EML6: variants seen among roughly 807,000 people sequenced by gnomAD.
EML6 encodes the protein echinoderm microtubule-associated protein-like 6.
A neutral mutation model predicts 240.1 loss-of-function variants in EML6; 154 were observed. The observed-to-expected ratio is 0.64, with a 90% CI of 0.56 to 0.73. The LOEUF (loss-of-function observed/expected upper bound fraction) is 0.73. Among genes scored for constraint, EML6 ranks in the 30% least tolerant of loss-of-function variants. The pLI, the probability that EML6 is intolerant of heterozygous loss-of-function variation, is 0.00. For missense variants in EML6, 2,964 were observed against 2,474.6 expected, an observed-to-expected ratio of 1.20 and a Z score of -4.20; for synonymous variants, 1,148 against 899.0, an observed-to-expected ratio of 1.28 and a Z score of -4.95.
rs144026298 is a variant in EML6 at position 54,724,811 on chromosome 2, C to T, written c.-251C>T. On this transcript the variant is annotated 5_prime_UTR_variant, in exon 2 of 42. Transcript: ENST00000356458. This position sits in a 1 kb window ranked among gnomAD's most constrained non-coding sequence, Gnocchi z 5.2. The stretch of plus-strand genomic sequence containing the variant: ...GCGCCGGTGCCGGCGCCCCCAGAGC[C>T]GCCTTGCCCGGGTAGAGGGAGCCCG... The T allele has an allele frequency of 6.2e-6, 1 of 161,268 alleles. No individual in the cohort carries two copies. The highest frequency in any genetic ancestry group is 2.4e-5 in the African/African-American group (1 of 41,492). The allele number at this position is 161,268 out of a possible 1,614,324, so 10.0% of individuals were successfully genotyped here.
intron 28 of EML6, among the ~76,000 whole-genome samples, chr2:54,932,376 A>G (rs1159230595): frequency 6.6e-6 from 1 of 152,162 alleles, no homozygotes; most frequent in Non-Finnish European, 1.5e-5. Flanking sequence ...TTGGGAATCC[A>G]TGCTTTCACT....
At chr2:54,839,570 C>G (rs895588581) in intron 7 of EML6, among the ~76,000 whole-genome samples, 1 of 152,228 alleles carries the variant, frequency 6.6e-6, no homozygotes, top group Non-Finnish European at 1.5e-5. Context: ...TGTTCTCTTC[C>G]CTTCCACCCA....
At chr2:54,916,601 C>T (rs1233527568) in intron 25 of EML6, among the ~76,000 whole-genome samples, 158 bp from the exon 26 acceptor site, 1 of 152,094 alleles carries the variant, frequency 6.6e-6, no homozygotes, top group African/African-American at 2.4e-5. Flanking sequence ...TGCAAATAAC[C>T]ACTTTAAATA....
chr2:54,867,186 A>C, intron 14 of EML6: 1 of 206,736 alleles, frequency 4.8e-6, no homozygotes, highest in Non-Finnish European at 9.7e-6. Flanking sequence ...TCTCATCACC[A>C]TCTTCACTTC....
At chr2:54,966,153 T>A (rs140850606) in intron 38 of EML6, among the ~76,000 whole-genome samples, 1 of 152,206 alleles carries the variant, frequency 6.6e-6, no homozygotes, top group Non-Finnish European at 1.5e-5. Context: ...AATATAAATA[T>A]AATTACAAAT....
chr2:54,895,760 G>A (rs1263726287), intron 21 of EML6, among the ~76,000 whole-genome samples: 2 of 152,212 alleles, frequency 1.3e-5, no homozygotes, highest in African/African-American at 2.4e-5. Context: ...TTGCTTGTAA[G>A]TGTAGGACTA....
In EML6 at chr2:54,843,627, G is replaced by A. The variant is rs1228320435; in HGVS notation, c.848-420G>A. Among the ~76,000 whole-genome samples the A allele has an allele frequency of 7.9e-5, 12 of 152,042 alleles. No homozygotes were observed. In the East Asian group the frequency reaches 1.2e-3, roughly 15 times the overall value. On this transcript the variant is annotated intron_variant, in intron 7 of 41. Coordinates refer to ENST00000356458, the MANE Select transcript of EML6 (RefSeq NM_001039753.4). ...TGGGAGTCCGAGGCGGGCGGATCACGAGGTCAGGAGATCGAGACCATCCTG... is the reference window on the plus strand; with the variant it reads ...TGGGAGTCCGAGGCGGGCGGATCACAAGGTCAGGAGATCGAGACCATCCTG...
At chr2:54,775,816 A>C (rs558868317) in intron 2 of EML6, among the ~76,000 whole-genome samples, 36 of 152,314 alleles carry the variant, frequency 2.4e-4, no homozygotes, top group Middle Eastern at 3.4e-3. Context: ...ACTAAAACCC[A>C]TTCTAACAGA....
At chr2:54,837,426 G>A (rs542521114) in intron 7 of EML6, among the ~76,000 whole-genome samples, 8 of 152,294 alleles carry the variant, frequency 5.3e-5, no homozygotes, top group African/African-American at 1.9e-4. Context: ...TGTCCATGGG[G>A]TTAATGATAA....
At chr2:54,810,451 A>G (rs931966571) in intron 2 of EML6, among the ~76,000 whole-genome samples, 3 of 152,224 alleles carry the variant, frequency 2.0e-5, no homozygotes, top group Non-Finnish European at 4.4e-5. Context: ...GAATTATGGA[A>G]TTAGAACAAC....
intron 2 of EML6, among the ~76,000 whole-genome samples, chr2:54,780,725 G>A: frequency 6.6e-6 from 1 of 152,216 alleles, no homozygotes; most frequent in East Asian, 1.9e-4. Context: ...AATATGGAAT[G>A]ATAACGGAAT....
At chr2:54,795,168 G>T (rs773391721) in intron 2 of EML6, among the ~76,000 whole-genome samples, 2 of 152,190 alleles carry the variant, frequency 1.3e-5, no homozygotes, top group African/African-American at 4.8e-5. Context: ...AACTACCTGA[G>T]ACTGGGTAAT....
At chr2:54,922,081 A>G (rs767661580) in intron 26 of EML6, among the ~76,000 whole-genome samples, 6 of 152,232 alleles carry the variant, frequency 3.9e-5, no homozygotes, top group Non-Finnish European at 7.3e-5. Context: ...ACATCAAACT[A>G]AAAAGCTTTG....
intron 2 of EML6, among the ~76,000 whole-genome samples, chr2:54,790,585 C>T (rs1396713877): frequency 6.6e-6 from 1 of 152,146 alleles, no homozygotes; most frequent in Non-Finnish European, 1.5e-5. Flanking sequence ...CAAGGACCTA[C>T]ATTTTAATAG....
intron 2 of EML6, among the ~76,000 whole-genome samples, chr2:54,794,252 C>CAA (rs1228649167): frequency 6.6e-6 from 1 of 152,182 alleles, no homozygotes; most frequent in Non-Finnish European, 1.5e-5. Flanking sequence ...TGTGCCATTA[C>CAA]ACTCAGCTGC....
intron 26 of EML6, among the ~76,000 whole-genome samples, chr2:54,923,035 G>A (rs907851299): frequency 2.1e-5 from 3 of 146,192 alleles, no homozygotes; most frequent in South Asian, 4.4e-4. Flanking sequence ...TCTGCCTCCC[G>A]GGTTCAACCG....
At chr2:54,806,593 A>G (rs1670496991) in intron 2 of EML6, among the ~76,000 whole-genome samples, 1 of 119,502 alleles carries the variant, frequency 8.4e-6, no homozygotes, top group Non-Finnish European at 1.6e-5. Context: ...AGCCTGGGCA[A>G]CAAGAGTGAC....
chr2:54,838,103 A>G (rs1669247241), intron 7 of EML6, among the ~76,000 whole-genome samples: 1 of 152,196 alleles, frequency 6.6e-6, no homozygotes, highest in African/African-American at 2.4e-5. Flanking sequence ...TATAATAGCA[A>G]ATGACAAAAG....
intron 34 of EML6, 91 bp from the exon 35 acceptor site, chr2:54,960,129 C>G: frequency 1.0e-6 from 1 of 980,450 alleles, no homozygotes; most frequent in Non-Finnish European, 1.6e-6. Flanking sequence ...GGCCAGAACC[C>G]TGATGACTGG....
Sources: gnomAD v4.1 joint callset for allele counts (sites outside exome capture counted in the v4.1 genomes callset) on GRCh38, gnomAD v4.1.1 for gene constraint, Gnocchi (gnomAD v3.1) non-coding constraint, MANE v1.5 for transcripts, NCBI Gene and HGNC (gene_info 2026-07-23, HGNC 2026-07-21) for gene names.